Variants in LRRC4C observed in about 807,000 individuals in gnomAD.
LRRC4C encodes leucine-rich repeat-containing protein 4C.
A neutral mutation model predicts 33.6 loss-of-function variants in LRRC4C; 5 were observed. The ratio of observed to expected loss-of-function variants is 0.15; its 90% confidence interval spans 0.08 to 0.31. LRRC4C has a LOEUF of 0.31. LRRC4C is among the 10% of genes least tolerant of loss of function. LRRC4C has a pLI of 1.00. For synonymous variants in LRRC4C, 329 were observed against 302.0 expected (o/e 1.09, Z -0.93); for missense variants, 560 against 796.7 (o/e 0.70, Z 3.58).
chr11:41,093,608 A>G (rs182298702), intron 1 of LRRC4C, among the ~76,000 whole-genome samples: 115 of 152,090 alleles, frequency 7.6e-4, no homozygotes, highest in African/African-American at 2.6e-3. Flanking sequence ...AGCGTGCCAT[A>G]CAGCTACACT....
At chr11:41,051,520 CAAAAAAAAAAAAAAA>C (rs530003573) in intron 1 of LRRC4C, among the ~76,000 whole-genome samples, 54 of 60,288 alleles carry the variant, frequency 9.0e-4, no homozygotes, top group African/African-American at 2.5e-3. Context: ...GGTCTCAAGG[CAAAAAAAAAAAAAAA>C]AAAAAAAAAA....
Position 41,245,461 on chromosome 11 carries a change from C to T in LRRC4C, c.-496+213970G>A, listed in dbSNP as rs35045540. 2.4e-3 allele frequency among the ~76,000 whole-genome samples: 363 copies of T among 152,340 alleles called. 1 individual carries two copies. The highest frequency in any genetic ancestry group is 3.9e-3 in the Non-Finnish European group (262 of 68,034). On this transcript the variant is annotated intron_variant, in intron 1 of 6. Coordinates refer to ENST00000528697, the MANE Select transcript of LRRC4C (RefSeq NM_001258419.2). ...GCAGCTCCAGGCACCAGCACGGGTA[C>T]TGGCTCCCTGCGAGGCTGTGGCTAG...
At chr11:40,402,894 A>G (rs1949813977) in intron 3 of LRRC4C, among the ~76,000 whole-genome samples, 1 of 152,120 alleles carries the variant, frequency 6.6e-6, no homozygotes, top group Non-Finnish European at 1.5e-5. Flanking sequence ...GAGATCTTTC[A>G]TAAGACCAGT....
intron 3 of LRRC4C, among the ~76,000 whole-genome samples, chr11:40,349,879 A>G (rs186106565): frequency 3.9e-5 from 6 of 152,174 alleles, no homozygotes; most frequent in Admixed American, 2.0e-4. Flanking sequence ...ATTCTGACAC[A>G]ATCTCAGACA....
intron 1 of LRRC4C, among the ~76,000 whole-genome samples, chr11:41,187,215 G>A (rs1428694169): frequency 6.6e-6 from 1 of 152,168 alleles, no homozygotes; most frequent in Non-Finnish European, 1.5e-5. Context: ...CTGTTTTCAT[G>A]CCCAAATGTT....
chr11:40,234,034 T>A (rs1347644816), intron 5 of LRRC4C, among the ~76,000 whole-genome samples: 1 of 152,148 alleles, frequency 6.6e-6, no homozygotes. Context: ...CACAGAGGGT[T>A]CTAAGGTACT....
chr11:41,257,114 G>A (rs565426747), intron 1 of LRRC4C, among the ~76,000 whole-genome samples: 1 of 151,980 alleles, frequency 6.6e-6, no homozygotes, highest in African/African-American at 2.4e-5. Context: ...TCTTGTGTTG[G>A]CGTTGTGGTA....
intron 3 of LRRC4C, among the ~76,000 whole-genome samples, chr11:40,440,234 T>G (rs187238798): frequency 4.6e-5 from 7 of 152,042 alleles, no homozygotes; most frequent in Admixed American, 3.3e-4. Context: ...TTCTTTTAAA[T>G]GAATGAATTA....
intron 1 of LRRC4C, among the ~76,000 whole-genome samples, chr11:40,983,276 G>T (rs1375102915): frequency 6.6e-6 from 1 of 152,034 alleles, no homozygotes; most frequent in Non-Finnish European, 1.5e-5. Context: ...ACTAATTTAC[G>T]CACGACACAA....
chr11:40,794,586 C>T (rs1950752812), intron 2 of LRRC4C, among the ~76,000 whole-genome samples: 1 of 152,152 alleles, frequency 6.6e-6, no homozygotes, highest in Admixed American at 6.5e-5. Context: ...CTGTTTCCGT[C>T]TGTTGAACTA....
At chr11:40,765,117 G>A (rs887288115) in intron 2 of LRRC4C, among the ~76,000 whole-genome samples, 5 of 152,178 alleles carry the variant, frequency 3.3e-5, no homozygotes, top group African/African-American at 1.2e-4. Context: ...CAGCTGCAAA[G>A]TGATATGGTT....
At chr11:40,525,061 A>G (rs11035893) in intron 3 of LRRC4C, among the ~76,000 whole-genome samples, 13,366 of 152,182 alleles carry the variant, frequency 0.088, 1,668 homozygotes, top group African/African-American at 0.28. Flanking sequence ...AGCAAGAAGA[A>G]GAATAGTAAG....
intron 2 of LRRC4C, among the ~76,000 whole-genome samples, chr11:40,776,272 CTCTT>C (rs1380474003): frequency 1.9e-5 from 2 of 107,596 alleles, no homozygotes; most frequent in Admixed American, 8.6e-5. Context: ...CTGGATTTTT[CTCTT>C]TTTTTTTTTG....
At chr11:40,730,280 A>G (rs951853109) in intron 2 of LRRC4C, among the ~76,000 whole-genome samples, 19 of 152,316 alleles carry the variant, frequency 1.2e-4, no homozygotes, top group African/African-American at 3.8e-4. Context: ...AACTTCAAAT[A>G]TTAAGGAATT....
chr11:41,009,528 A>G (rs563513411), intron 1 of LRRC4C, among the ~76,000 whole-genome samples: 84 of 152,218 alleles, frequency 5.5e-4, no homozygotes, highest in Middle Eastern at 6.8e-3. Flanking sequence ...CATATAGCCT[A>G]TTGAGGTTAT....
intron 1 of LRRC4C, among the ~76,000 whole-genome samples, chr11:41,392,879 A>C (rs1953659837): frequency 6.6e-6 from 1 of 151,882 alleles, no homozygotes; most frequent in African/African-American, 2.4e-5. Context: ...AGAACCTGCC[A>C]GTTTAAGACT....
rs554227750 is a variant in LRRC4C, at chr11:41,277,616, C to T, written c.-496+181815G>A. On this transcript the variant is annotated intron_variant, in intron 1 of 6. Coordinates refer to ENST00000528697, the MANE Select transcript of LRRC4C (RefSeq NM_001258419.2). ...TAAAGTGAGGTCTGTAGTACAAGCC[C>T]AAATGCTGACAACTGAGCTAAGACT... Among the ~76,000 whole-genome samples the T allele has an allele frequency of 3.3e-5, 5 of 152,196 alleles. No homozygotes were observed. In the East Asian group the frequency reaches 9.7e-4, roughly 29 times the overall value.
At chr11:41,326,294 C>T (rs763284008) in intron 1 of LRRC4C, among the ~76,000 whole-genome samples, 18 of 152,178 alleles carry the variant, frequency 1.2e-4, no homozygotes, top group Non-Finnish European at 2.5e-4. Context: ...TTTGGACTTA[C>T]ACCAGTGGTT....
chr11:40,792,597 G>A (rs1421273235), intron 2 of LRRC4C, among the ~76,000 whole-genome samples: 1 of 151,946 alleles, frequency 6.6e-6, no homozygotes, highest in Non-Finnish European at 1.5e-5. Context: ...CAGGGATCTA[G>A]AACTAGAAAT....
Sources: allele counts gnomAD v4.1 joint callset (sites outside exome capture counted in the v4.1 genomes callset), GRCh38; gene constraint gnomAD v4.1.1; transcripts MANE v1.5; gene names NCBI Gene and HGNC (gene_info 2026-07-23, HGNC 2026-07-21).